Variants in LSAMP observed in about 807,000 individuals in gnomAD.
LSAMP encodes the protein limbic system-associated membrane protein.
A neutral mutation model predicts 38.6 loss-of-function variants in LSAMP; 7 were observed. The observed-to-expected ratio is 0.18, with a 90% CI of 0.10 to 0.34. The LOEUF is 0.34. LSAMP is among the 10% of genes least tolerant of loss of function. LSAMP has a pLI of 1.00. For synonymous variants in LSAMP, 154 were observed against 166.8 expected, an observed-to-expected ratio of 0.92 and a Z score of 0.59; for missense variants, 313 against 420.0, an observed-to-expected ratio of 0.75 and a Z score of 2.23.
intron 1 of LSAMP, among the ~76,000 whole-genome samples, chr3:116,251,870 T>A (rs900568945): frequency 1.3e-5 from 2 of 152,234 alleles, no homozygotes; most frequent in Non-Finnish European, 2.9e-5. Flanking sequence ...GAATTATTTG[T>A]TAAGACTTAA....
At chr3:116,322,031 A>T (rs2047713213) in intron 1 of LSAMP, among the ~76,000 whole-genome samples, 2 of 152,254 alleles carry the variant, frequency 1.3e-5, no homozygotes, top group African/African-American at 4.8e-5. Context: ...TGGTATTTAT[A>T]GGACAATAAA....
intron 3 of LSAMP, among the ~76,000 whole-genome samples, chr3:115,922,889 T>C (rs1937415148): frequency 6.6e-6 from 1 of 152,222 alleles, no homozygotes; most frequent in African/African-American, 2.4e-5. Flanking sequence ...GCAAGTTCCC[T>C]GGTTTTATAG....
At chr3:116,071,403 A>T (rs1707603467) in intron 2 of LSAMP, among the ~76,000 whole-genome samples, 1 of 151,616 alleles carries the variant, frequency 6.6e-6, no homozygotes. Context: ...ACACAAGTTT[A>T]TAAACTAAAT....
chr3:116,067,587 C>T (rs529146802), intron 2 of LSAMP, among the ~76,000 whole-genome samples: 1 of 152,198 alleles, frequency 6.6e-6, no homozygotes, highest in Non-Finnish European at 1.5e-5. Context: ...GCAAATACCC[C>T]CTGGTTGTTG....
intron 2 of LSAMP, among the ~76,000 whole-genome samples, chr3:116,060,213 A>C (rs1240052361): frequency 1.1e-5 from 1 of 91,680 alleles, no homozygotes; most frequent in African/African-American, 7.2e-5. Flanking sequence ...TTTTTTTTTT[A>C]CTAGCAGCAT....
chr3:116,207,811 G>A (rs533916645), intron 1 of LSAMP, among the ~76,000 whole-genome samples: 241 of 152,260 alleles, frequency 1.6e-3, no homozygotes, highest in African/African-American at 5.6e-3. Context: ...AGGGTAACCC[G>A]ACCTTTCTCT....
chr3:115,812,013 A>G (rs1933851200), intron 6 of LSAMP, among the ~76,000 whole-genome samples: 1 of 152,220 alleles, frequency 6.6e-6, no homozygotes, highest in Non-Finnish European at 1.5e-5. Context: ...GGGTGACTGT[A>G]AGTCTCCTGT....
intron 2 of LSAMP, among the ~76,000 whole-genome samples, chr3:116,044,386 A>T (rs775521084): frequency 3.9e-5 from 6 of 152,172 alleles, no homozygotes; most frequent in Non-Finnish European, 8.8e-5. Context: ...AGAAAAAAGC[A>T]TTAGTAACAC....
At chr3:116,420,310 C>A (rs900804472) in intron 1 of LSAMP, among the ~76,000 whole-genome samples, 17 of 151,912 alleles carry the variant, frequency 1.1e-4, no homozygotes, top group Non-Finnish European at 2.5e-4. Context: ...GTTGGCCAAG[C>A]TAGTCTTGAA....
intron 3 of LSAMP, among the ~76,000 whole-genome samples, chr3:116,003,502 C>G (rs1264365561): frequency 6.6e-6 from 1 of 152,118 alleles, no homozygotes; most frequent in East Asian, 1.9e-4. Context: ...TTCTTTAAAG[C>G]AGATTGTAGT....
chr3:115,860,935 C>T (rs1935659531), intron 3 of LSAMP, among the ~76,000 whole-genome samples: 1 of 152,152 alleles, frequency 6.6e-6, no homozygotes, highest in Admixed American at 6.5e-5. Flanking sequence ...TTTGAGGACT[C>T]TGGATTTGCT....
At chr3:116,378,149 GACC>G (rs1197754054) in intron 1 of LSAMP, among the ~76,000 whole-genome samples, 1 of 152,008 alleles carries the variant, frequency 6.6e-6, no homozygotes, top group African/African-American at 2.4e-5. Flanking sequence ...GTGTGGTTTT[GACC>G]ACATGTTCAC....
At chr3:115,960,308 T>C (rs1157964714) in intron 3 of LSAMP, among the ~76,000 whole-genome samples, 1 of 152,166 alleles carries the variant, frequency 6.6e-6, no homozygotes, top group Non-Finnish European at 1.5e-5. Flanking sequence ...GGAAGAGGTG[T>C]GAAGCAGAGT....
chr3:116,084,698 T>C (rs1419701280), intron 2 of LSAMP, among the ~76,000 whole-genome samples: 3 of 152,262 alleles, frequency 2.0e-5, no homozygotes, highest in East Asian at 3.9e-4. Context: ...AGTGGCTTTT[T>C]AGTGACATCA....
At chr3:115,924,873 A>G (rs1240281883) in intron 3 of LSAMP, among the ~76,000 whole-genome samples, 1 of 152,200 alleles carries the variant, frequency 6.6e-6, no homozygotes, top group African/African-American at 2.4e-5. Context: ...GATCCAGGCT[A>G]GAAAATCCCC....
intron 1 of LSAMP, among the ~76,000 whole-genome samples, chr3:116,166,843 T>C (rs1419691076): frequency 1.4e-5 from 2 of 145,476 alleles, no homozygotes; most frequent in African/African-American, 5.1e-5. Flanking sequence ...CAGGCTGGAG[T>C]GCAGTGGCGC....
rs77142231 is a variant in LSAMP at position 115,946,890 on chromosome 3, A to G, written c.514+72625T>C. 3.3e-3 allele frequency among the ~76,000 whole-genome samples: 502 copies of G among 152,256 alleles called. 7 individuals carry two copies. The East Asian group carries it at 0.052, about 16-fold the overall frequency. ...TAAATGAAGACACTAAAATATCAGC[A>G]TGTCAAACATATATGTTTAGATATA... is the stretch of plus-strand genomic sequence containing the variant. On this transcript the variant is annotated intron_variant, in intron 3 of 6. Coordinates refer to ENST00000490035, the MANE Select transcript of LSAMP (RefSeq NM_002338.5).
rs796491051 is a variant in LSAMP at position 115,807,470 on chromosome 3, C to T, written c.*2847G>A. On this transcript the variant is annotated 3_prime_UTR_variant, in exon 7 of 7. Transcript: ENST00000490035. ...GAACAAACGGTGCTGACATGGCAGA[C>T]ATTTATTTCAATGGAGAAGTTCCTC... The T allele has an allele frequency of 1.5e-4, 23 of 152,252 alleles. 1 individual carries two copies. Among genetic ancestry groups the T allele is most frequent in the African/African-American group, 5.5e-4 (23 of 41,544 alleles). 9.4% of individuals were successfully genotyped at this position (152,252 alleles called of 1,614,324 possible).
chr3:116,145,384 G>T (rs1709468107), intron 1 of LSAMP, among the ~76,000 whole-genome samples: 1 of 151,862 alleles, frequency 6.6e-6, no homozygotes, highest in Non-Finnish European at 1.5e-5. Context: ...CCATTGTGCT[G>T]TCTGGCAAGT....
Sources: allele counts gnomAD v4.1 joint callset (sites outside exome capture counted in the v4.1 genomes callset), GRCh38; gene constraint gnomAD v4.1.1; transcripts MANE v1.5; gene names NCBI Gene and HGNC (gene_info 2026-07-23, HGNC 2026-07-21).